The following TNIK variants were observed in gnomAD, a reference collection of about 807,000 sequenced individuals.
TNIK encodes the protein TRAF2 and NCK interacting kinase.
In TNIK, 49 loss-of-function variants were observed where a neutral mutation model predicts 191.3. The ratio of observed to expected loss-of-function variants is 0.26; its 90% CI spans 0.20 to 0.32. The LOEUF is 0.32. Among genes scored for constraint, TNIK ranks in the 10% least tolerant of loss-of-function variants. TNIK has a pLI of 1.00. For missense variants in TNIK, 1,155 were observed against 1,702.3 expected (o/e 0.68, Z 5.66); for synonymous variants, 594 against 600.9 (o/e 0.99, Z 0.17).
chr3:171,360,657 G>T (rs972479460), intron 2 of TNIK, among the ~76,000 whole-genome samples: 1 of 152,182 alleles, frequency 6.6e-6, no homozygotes, highest in African/African-American at 2.4e-5. Flanking sequence ...TTCACCTCAG[G>T]TTATTGACCC....
At chr3:171,170,466 CCTTTA>C (rs760677909) in intron 9 of TNIK, among the ~76,000 whole-genome samples, 5 of 152,214 alleles carry the variant, frequency 3.3e-5, no homozygotes, top group South Asian at 2.1e-4. Context: ...CTACCCTCTT[CCTTTA>C]CTTTGAGTTG....
At chr3:171,321,076 AT>A (rs1156321956) in intron 2 of TNIK, among the ~76,000 whole-genome samples, 1 of 152,224 alleles carries the variant, frequency 6.6e-6, no homozygotes, top group Non-Finnish European at 1.5e-5. Flanking sequence ...GGAAAAAATA[AT>A]TTTTAAAACC....
intron 4 of TNIK, among the ~76,000 whole-genome samples, chr3:171,204,764 A>G (rs1005460750): frequency 3.3e-5 from 5 of 152,248 alleles, no homozygotes; most frequent in African/African-American, 9.6e-5. Flanking sequence ...TTATTTAAAC[A>G]TAAATCTTCA....
chr3:171,353,899 T>C (rs956256211), intron 2 of TNIK, among the ~76,000 whole-genome samples: 3 of 152,196 alleles, frequency 2.0e-5, no homozygotes, highest in African/African-American at 7.2e-5. Context: ...AGAGTTAATA[T>C]CTATGATTTC....
chr3:171,349,517 C>T (rs754150947), intron 2 of TNIK, among the ~76,000 whole-genome samples: 2 of 152,186 alleles, frequency 1.3e-5, no homozygotes, highest in African/African-American at 2.4e-5. Context: ...AGGGCATAAA[C>T]TAATCACTTC....
intron 4 of TNIK, among the ~76,000 whole-genome samples, chr3:171,206,857 C>T (rs964154915): frequency 2.0e-5 from 3 of 152,150 alleles, no homozygotes; most frequent in African/African-American, 7.2e-5. Flanking sequence ...CGTAAATAAA[C>T]ACCCCAATTA....
At chr3:171,160,022 C>T (rs1472829886) in intron 11 of TNIK, among the ~76,000 whole-genome samples, 2 of 152,192 alleles carry the variant, frequency 1.3e-5, no homozygotes, top group Non-Finnish European at 2.9e-5. Context: ...ACACAGTAAC[C>T]TTTTGGGTAA....
chr3:171,088,282 T>C (rs1721622662), intron 23 of TNIK, among the ~76,000 whole-genome samples: 1 of 151,596 alleles, frequency 6.6e-6, no homozygotes, highest in South Asian at 2.1e-4. Flanking sequence ...TTGCCCAGGC[T>C]GGAGTGCAGT....
At chr3:171,346,000 G>A (rs948024584) in intron 2 of TNIK, among the ~76,000 whole-genome samples, 3 of 152,066 alleles carry the variant, frequency 2.0e-5, no homozygotes, top group Non-Finnish European at 4.4e-5. Context: ...AATTAAACAT[G>A]GTAAGGGGAA....
chr3:171,169,330 T>C lies in TNIK; in HGVS notation c.774-2060A>G, dbSNP rs150944947. Among the ~76,000 whole-genome samples the C allele has an allele frequency of 2.1e-3, 315 of 152,146 alleles. 2 individuals are homozygous for C. Among genetic ancestry groups the C allele is most frequent in the African/African-American group, 7.1e-3 (296 of 41,520 alleles). Reference sequence around the variant, plus strand: ...TCACCCAGGCTGGAGTGCAATGGCATGATCTCAGCTCACTGCAACCTCTGC... The same window carrying C: ...TCACCCAGGCTGGAGTGCAATGGCACGATCTCAGCTCACTGCAACCTCTGC... On this transcript the variant is annotated intron_variant, in intron 9 of 32. Coordinates refer to ENST00000436636, the MANE Select transcript of TNIK (RefSeq NM_015028.4).
intron 22 of TNIK, among the ~76,000 whole-genome samples, chr3:171,100,661 G>A (rs1723354519): frequency 6.6e-6 from 1 of 150,792 alleles, no homozygotes; most frequent in South Asian, 2.1e-4. Flanking sequence ...TGGAGGAACT[G>A]GGGAAGCAAC....
intron 2 of TNIK, among the ~76,000 whole-genome samples, chr3:171,321,352 G>GA (rs1041973657): frequency 2.0e-4 from 29 of 148,096 alleles, no homozygotes; most frequent in African/African-American, 5.7e-4. Context: ...TTTTCTAGCA[G>GA]AAAAAAAAAA....
chr3:171,107,472 A>G (rs948513536), intron 20 of TNIK, among the ~76,000 whole-genome samples: 1 of 152,218 alleles, frequency 6.6e-6, no homozygotes, highest in Non-Finnish European at 1.5e-5. Context: ...AATAGAAAAA[A>G]TGGATAGTAA....
intron 2 of TNIK, among the ~76,000 whole-genome samples, chr3:171,306,266 A>G (rs1753442861): frequency 6.6e-6 from 1 of 152,166 alleles, no homozygotes; most frequent in Admixed American, 6.6e-5. Context: ...GTCAGGTACT[A>G]TGCTCAGTTA....
chr3:171,243,428 TA>T (rs35754359), intron 2 of TNIK, among the ~76,000 whole-genome samples: 46,070 of 146,910 alleles, frequency 0.31, 7,144 homozygotes, highest in South Asian at 0.46. Context: ...TATAGTAAAT[TA>T]AAAAAAAAAA....
chr3:171,252,205 C>T (rs1478262156), intron 2 of TNIK, among the ~76,000 whole-genome samples: 2 of 152,220 alleles, frequency 1.3e-5, no homozygotes, highest in Admixed American at 6.5e-5. Context: ...GAGAAAATGC[C>T]TCCATTTTAC....
chr3:171,257,378 C>G (rs557043871), intron 2 of TNIK, among the ~76,000 whole-genome samples: 2 of 152,192 alleles, frequency 1.3e-5, no homozygotes, highest in Non-Finnish European at 2.9e-5. Context: ...GTGACCCTGA[C>G]ACTTTAACCA....
At chr3:171,357,143 CTG>C (rs1218068409) in intron 2 of TNIK, among the ~76,000 whole-genome samples, 1 of 152,194 alleles carries the variant, frequency 6.6e-6, no homozygotes, top group East Asian at 1.9e-4. Context: ...TAGGCGGACA[CTG>C]TTTTTACTTA....
intron 4 of TNIK, among the ~76,000 whole-genome samples, chr3:171,196,916 G>C (rs923203359): frequency 7.5e-6 from 1 of 133,500 alleles, no homozygotes; most frequent in Admixed American, 7.7e-5. Context: ...CATCACGCCC[G>C]GCTAATTTTT....
Sources: allele counts gnomAD v4.1 joint callset (sites outside exome capture counted in the v4.1 genomes callset), GRCh38; gene constraint gnomAD v4.1.1; transcripts MANE v1.5; gene names NCBI Gene and HGNC (gene_info 2026-07-23, HGNC 2026-07-21).